The following MDGA2 variants were observed in gnomAD, a reference collection of about 807,000 sequenced individuals.
MDGA2 encodes MAM domain-containing glycosylphosphatidylinositol anchor protein 2.
MDGA2 carries 40 observed loss-of-function variants against 117.8 expected under a neutral mutation model. That is an observed-to-expected ratio of 0.34 (90% CI 0.26 to 0.44). The LOEUF (loss-of-function observed/expected upper bound fraction) is 0.44, where lower values mean the gene tolerates loss of function less well. Ranked by LOEUF, MDGA2 falls within the 20% of genes least tolerant of loss-of-function variation. The pLI, the probability that MDGA2 is intolerant of heterozygous loss-of-function variation, is 1.00. For synonymous variants in MDGA2, 452 were observed against 439.0 expected, an observed-to-expected ratio of 1.03 and a Z score of -0.37; for missense variants, 1,123 against 1,250.6, an observed-to-expected ratio of 0.90 and a Z score of 1.54.
chr14:47,051,192 G>C (rs1889444745), intron 7 of MDGA2, among the ~76,000 whole-genome samples: 2 of 151,998 alleles, frequency 1.3e-5, no homozygotes, highest in South Asian at 4.1e-4. Context: ...AGTGAACACA[G>C]TATATATGCT....
intron 1 of MDGA2, among the ~76,000 whole-genome samples, chr14:47,405,551 ACTAT>A (rs1430808731): frequency 1.1e-4 from 17 of 152,178 alleles, no homozygotes; most frequent in African/African-American, 4.1e-4. Context: ...AAAAAATGAA[ACTAT>A]CAGTCCCCAA....
At chr14:47,445,704 A>G (rs890096556) in intron 1 of MDGA2, among the ~76,000 whole-genome samples, 1 of 152,166 alleles carries the variant, frequency 6.6e-6, no homozygotes, top group African/African-American at 2.4e-5. Flanking sequence ...CAGCAATAAG[A>G]AATAGTGACA....
In MDGA2 at chr14:47,057,343, ATCTGT is replaced by A. The variant is rs1207547030; in HGVS notation, c.1525+3901_1525+3905del. 1.1e-4 allele frequency among the ~76,000 whole-genome samples: 16 copies of A among 152,076 alleles called. No individual in the cohort carries two copies. In the East Asian group the frequency reaches 3.1e-3, roughly 29 times the overall value. On this transcript the variant is annotated intron_variant, in intron 7 of 16. Coordinates refer to ENST00000399232, the MANE Select transcript of MDGA2 (RefSeq NM_001113498.3). ...CTATATATTGCCTAGTTTCTACGTA[ATCTGT>A]CTTGATGATTTAGATTGTAAGCTCC...
Position 47,380,273 on chromosome 14 carries a change from G to T in MDGA2, c.281-78723C>A, listed in dbSNP as rs186916946. 3.6e-4 allele frequency among the ~76,000 whole-genome samples: 55 copies of T among 152,248 alleles called. No individual in the cohort carries two copies. In the South Asian group the frequency reaches 6.4e-3, roughly 18 times the overall value. On this transcript the variant is annotated intron_variant, in intron 1 of 16. Transcript: ENST00000399232. ...AATGCCCACAAGAGAAAGCAGGAAA[G>T]ATCTAAAATTGACACCCTAACATCA... is the stretch of plus-strand genomic sequence containing the variant.
chr14:47,402,042 G>T (rs933151012), intron 1 of MDGA2, among the ~76,000 whole-genome samples: 4 of 152,104 alleles, frequency 2.6e-5, no homozygotes, highest in Non-Finnish European at 4.4e-5. Flanking sequence ...TAGTTTATTG[G>T]TGTCTATCTT....
At chr14:47,593,622 C>T (rs957430245) in intron 1 of MDGA2, among the ~76,000 whole-genome samples, 65 of 152,078 alleles carry the variant, frequency 4.3e-4, no homozygotes, top group Non-Finnish European at 6.5e-4. Flanking sequence ...CCAACTACCA[C>T]AGGAACAGAA....
chr14:47,617,340 G>A (rs553193270), intron 1 of MDGA2, among the ~76,000 whole-genome samples: 13 of 152,120 alleles, frequency 8.5e-5, no homozygotes, highest in Admixed American at 1.3e-4. Flanking sequence ...GAGTGGCTGG[G>A]ATTACAGGTG....
At chr14:46,984,577 A>G (rs1886798384) in intron 8 of MDGA2, among the ~76,000 whole-genome samples, 1 of 151,952 alleles carries the variant, frequency 6.6e-6, no homozygotes, top group Non-Finnish European at 1.5e-5. Flanking sequence ...TGTCCCCATT[A>G]CATTTCTCAA....
intron 1 of MDGA2, among the ~76,000 whole-genome samples, chr14:47,535,580 C>A (rs190068655): frequency 1.3e-5 from 2 of 151,990 alleles, no homozygotes; most frequent in East Asian, 3.9e-4. Flanking sequence ...GGCTCTGAGT[C>A]GGGAAGGAGT....
intron 2 of MDGA2, among the ~76,000 whole-genome samples, chr14:47,273,305 A>C (rs1888207133): frequency 6.6e-6 from 1 of 152,184 alleles, no homozygotes; most frequent in African/African-American, 2.4e-5. Flanking sequence ...CCAGGATGAC[A>C]GTGGAATCTT....
chr14:47,354,410 G>T lies in MDGA2; in HGVS notation c.281-52860C>A, dbSNP rs79859071. On this transcript the variant is annotated intron_variant, in intron 1 of 16. Transcript: ENST00000399232. Reference sequence around the variant, plus strand: ...GCCCCAGAACAACAAAAAACAGTCAGATCCAGAGATGCCTGATTTGGAGAT... The same window carrying T: ...GCCCCAGAACAACAAAAAACAGTCATATCCAGAGATGCCTGATTTGGAGAT... Among the ~76,000 whole-genome samples, 1,111 of 152,236 alleles carry T rather than the reference G, an allele frequency of 7.3e-3. 12 individuals carry two copies. Among genetic ancestry groups the T allele is most frequent in the South Asian group, 0.034 (163 of 4,824 alleles).
intron 1 of MDGA2, among the ~76,000 whole-genome samples, chr14:47,474,273 A>T (rs1343022954): frequency 6.6e-6 from 1 of 152,164 alleles, no homozygotes; most frequent in African/African-American, 2.4e-5. Flanking sequence ...TACAGCTAAC[A>T]TGGGAACTGA....
chr14:46,946,408 C>G (rs932364882), intron 9 of MDGA2, among the ~76,000 whole-genome samples: 1 of 151,976 alleles, frequency 6.6e-6, no homozygotes, highest in Non-Finnish European at 1.5e-5. Context: ...AAAAAATGAC[C>G]TTTTCAAAGG....
At chr14:47,013,937 A>G (rs984871159) in intron 8 of MDGA2, among the ~76,000 whole-genome samples, 22 of 151,014 alleles carry the variant, frequency 1.5e-4, no homozygotes, top group African/African-American at 5.4e-4. Flanking sequence ...CTGGGATTAC[A>G]GGCCTGCACC....
intron 5 of MDGA2, among the ~76,000 whole-genome samples, chr14:47,100,141 TATTA>T (rs1880220111): frequency 6.6e-6 from 1 of 151,070 alleles, no homozygotes. Context: ...AATAAATAAT[TATTA>T]ATTTTGTTTT....
chr14:47,359,432 C>T (rs919477148), intron 1 of MDGA2, among the ~76,000 whole-genome samples: 2 of 151,886 alleles, frequency 1.3e-5, no homozygotes, highest in Non-Finnish European at 2.9e-5. Context: ...TATTGTGCTG[C>T]CATAAAAACC....
At chr14:47,102,392 C>T (rs1034491904) in intron 5 of MDGA2, among the ~76,000 whole-genome samples, 1 of 139,548 alleles carries the variant, frequency 7.2e-6, no homozygotes, top group Non-Finnish European at 1.5e-5. Context: ...CACACACACA[C>T]AAACACACAC....
chr14:46,990,877 CACA>C (rs1887066311), intron 8 of MDGA2, among the ~76,000 whole-genome samples: 8 of 142,314 alleles, frequency 5.6e-5, no homozygotes, highest in Admixed American at 5.6e-4. Flanking sequence ...CACACACACA[CACA>C]CACACACACA....
At chr14:47,259,042 A>T (rs8003650) in intron 2 of MDGA2, among the ~76,000 whole-genome samples, 124,825 of 151,922 alleles carry the variant, frequency 0.82, 51,576 homozygotes, top group East Asian at 0.93. Flanking sequence ...GAAGAATCTG[A>T]TACTCAAACC....
Sources: allele counts gnomAD v4.1 joint callset (sites outside exome capture counted in the v4.1 genomes callset), GRCh38; gene constraint gnomAD v4.1.1; transcripts MANE v1.5; gene names NCBI Gene and HGNC (gene_info 2026-07-23, HGNC 2026-07-21).